Variants in TYW1B observed in about 807,000 individuals in gnomAD.
The protein encoded by TYW1B is S-adenosyl-L-methionine-dependent tRNA 4-demethylwyosine synthase TYW1B.
Under a neutral mutation model 86.9 loss-of-function variants are expected in TYW1B, and 73 were observed. The ratio of observed to expected loss-of-function variants is 0.84; its 90% confidence interval spans 0.70 to 1.02. The LOEUF is 1.02. Among genes scored for constraint, TYW1B ranks in the 50% least tolerant of loss-of-function variants. TYW1B has a pLI of 0.00. For missense variants in TYW1B, 637 were observed against 827.4 expected (o/e 0.77, Z 2.82); for synonymous variants, 248 against 292.8 (o/e 0.85, Z 1.56).
intron 11 of TYW1B, among the ~76,000 whole-genome samples, chr7:72,687,637 G>A (rs1193036596): frequency 3.9e-5 from 6 of 151,914 alleles, no homozygotes; most frequent in South Asian, 2.1e-4. Flanking sequence ...ATAAACAATC[G>A]TTTCATTTAT....
intron 11 of TYW1B, among the ~76,000 whole-genome samples, chr7:72,658,631 A>G (rs1163756842): frequency 6.6e-6 from 1 of 152,242 alleles, no homozygotes; most frequent in Non-Finnish European, 1.5e-5. Context: ...CTTAAAAAGA[A>G]ACTACATTAT....
chr7:72,713,482 A>G, intron 10 of TYW1B, 139 bp downstream of exon 10: 1 of 836,802 alleles, frequency 1.2e-6, no homozygotes, highest in Non-Finnish European at 1.8e-6. Context: ...GAGCAGGACC[A>G]TCTTCACCTC....
In TYW1B at chr7:72,731,393, C is replaced by CAAA. The variant is rs59262388; in HGVS notation, c.1083-2465_1083-2463dup. Among the ~76,000 whole-genome samples, 328 of 32,826 alleles carry CAAA rather than the reference C, an allele frequency of 1.0e-2. 2 individuals carry two copies. The highest frequency in any genetic ancestry group is 0.013 in the African/African-American group (91 of 7,002). The allele number at this position is 32,826 out of a possible 152,430, so 21.5% of individuals were successfully genotyped here. On this transcript the variant is annotated intron_variant, in intron 8 of 13. Transcript: ENST00000620995. ...ACCACTATGGAAGACTACCAAACTGCAAAAAAAAAAAAAAAAAAAAAACAA... is the reference window on the plus strand; with the variant it reads ...ACCACTATGGAAGACTACCAAACTGCAAAAAAAAAAAAAAAAAAAAAAAAACAA...
intron 13 of TYW1B, among the ~76,000 whole-genome samples, chr7:72,613,004 G>C (rs1811973588): frequency 6.6e-6 from 1 of 151,996 alleles, no homozygotes; most frequent in African/African-American, 2.4e-5. Context: ...ACCTGCCTCG[G>C]TCTCCCAAAG....
At chr7:72,706,431 C>CAAA (rs59124514) in intron 10 of TYW1B, among the ~76,000 whole-genome samples, 28 of 64,470 alleles carry the variant, frequency 4.3e-4, no homozygotes, top group East Asian at 1.2e-3. Context: ...CCTCCATCTC[C>CAAA]AAAAAAAAAA....
At chr7:72,707,862 T>C (rs35995367) in intron 10 of TYW1B, among the ~76,000 whole-genome samples, 1 of 152,246 alleles carries the variant, frequency 6.6e-6, no homozygotes, top group Non-Finnish European at 1.5e-5. Flanking sequence ...TGATGGGGAC[T>C]TCCCCCTTGC....
intron 11 of TYW1B, among the ~76,000 whole-genome samples, chr7:72,647,691 C>T (rs1200838989): frequency 1.4e-5 from 2 of 145,114 alleles, no homozygotes; most frequent in African/African-American, 5.0e-5. Flanking sequence ...CAAGGGGTAA[C>T]TTTTTTTTTT....
intron 6 of TYW1B, among the ~76,000 whole-genome samples, chr7:72,788,499 G>C (rs1231460919): frequency 6.6e-6 from 1 of 152,134 alleles, no homozygotes; most frequent in Non-Finnish European, 1.5e-5. Flanking sequence ...GCCAAAATCT[G>C]AACTGCTCCA....
intron 2 of TYW1B, among the ~76,000 whole-genome samples, chr7:72,826,314 ACTGACACACTTTATTTTTCTCTTAAT>A: frequency 6.6e-6 from 1 of 152,330 alleles, no homozygotes; most frequent in East Asian, 1.9e-4. Flanking sequence ...TAGCACAGAT[ACTGACACACTTTATTTTTCTCTTAAT>A]CTGACACACC....
chr7:72,662,087 T>C (rs1269030619), intron 11 of TYW1B, among the ~76,000 whole-genome samples: 1 of 152,218 alleles, frequency 6.6e-6, no homozygotes, highest in Non-Finnish European at 1.5e-5. Context: ...CATGTCATAA[T>C]GGGTTATAAA....
intron 7 of TYW1B, 77 bp downstream of exon 7, chr7:72,777,339 G>A: frequency 1.3e-6 from 2 of 1,535,914 alleles, no homozygotes; most frequent in Non-Finnish European, 1.8e-6. Context: ...GCTAATTAGA[G>A]AGAGACTTCA....
chr7:72,765,411 T>C (rs1236271399), intron 7 of TYW1B, among the ~76,000 whole-genome samples: 1 of 152,170 alleles, frequency 6.6e-6, no homozygotes, highest in Admixed American at 6.6e-5. Flanking sequence ...TCTTCTAATT[T>C]CCTCCAATAC....
At chr7:72,756,111 G>C (rs1787582771) in intron 7 of TYW1B, among the ~76,000 whole-genome samples, 4 of 152,202 alleles carry the variant, frequency 2.6e-5, no homozygotes, top group African/African-American at 9.6e-5. Flanking sequence ...ATGAACCCAG[G>C]ATAGAAATGT....
Position 72,745,904 on chromosome 7 carries a change from A to G in TYW1B, c.965-1303T>C, listed in dbSNP as rs376728092. Among the ~76,000 whole-genome samples the G allele has an allele frequency of 7.7e-4, 116 of 150,336 alleles. 1 individual carries two copies. Among genetic ancestry groups the G allele is most frequent in the African/African-American group, 2.6e-3 (104 of 40,730 alleles). On this transcript the variant is annotated intron_variant, in intron 7 of 13. Transcript: ENST00000620995. ...TGTGTGTGTGTAGTCTCACTCTGTC[A>G]CCTAGGCTGGAGTGCAGTAGTGTGA...
intron 11 of TYW1B, among the ~76,000 whole-genome samples, chr7:72,675,574 C>T (rs1382458263): frequency 2.1e-5 from 3 of 143,236 alleles, no homozygotes; most frequent in South Asian, 2.2e-4. Flanking sequence ...TATATATATA[C>T]ACACACACAT....
intron 7 of TYW1B, among the ~76,000 whole-genome samples, chr7:72,774,430 A>G (rs1314624708): frequency 1.3e-5 from 2 of 151,432 alleles, no homozygotes; most frequent in Non-Finnish European, 2.9e-5. Context: ...GTGTTTATAT[A>G]AAAATATCCA....
At chr7:72,612,571 T>C (rs1440383816) in intron 13 of TYW1B, among the ~76,000 whole-genome samples, 1 of 152,048 alleles carries the variant, frequency 6.6e-6, no homozygotes, top group East Asian at 1.9e-4. Flanking sequence ...AAGAACTGGG[T>C]CAAAGTAGTT....
At position 72,812,241 on chromosome 7, in the gene TYW1B, C is replaced by A. The variant is rs185816114; in HGVS notation, c.238-1576G>T. Reference sequence around the variant, plus strand: ...TTTCATATACACCTTACACACATAGCCTGTAGATAACTTTATACAATATTT... The same window carrying A: ...TTTCATATACACCTTACACACATAGACTGTAGATAACTTTATACAATATTT... On this transcript the variant is annotated intron_variant, in intron 3 of 13. Coordinates refer to ENST00000620995, the MANE Select transcript of TYW1B (RefSeq NM_001145440.3). Among the ~76,000 whole-genome samples the A allele has an allele frequency of 3.9e-5, 6 of 151,920 alleles. No individual in the cohort carries two copies. The East Asian group carries it at 1.2e-3, about 29-fold the overall frequency.
At chr7:72,713,428 G>C (rs1786716283) in intron 10 of TYW1B, among the ~76,000 whole-genome samples, 193 bp downstream of exon 10, 1 of 151,350 alleles carries the variant, frequency 6.6e-6, no homozygotes. Flanking sequence ...TGTGCCTCTA[G>C]TCTTTTTACT....
Sources: gnomAD v4.1 joint callset for allele counts (sites outside exome capture counted in the v4.1 genomes callset) on GRCh38, gnomAD v4.1.1 for gene constraint, MANE v1.5 for transcripts, NCBI Gene and HGNC (gene_info 2026-07-23, HGNC 2026-07-21) for gene names.